Variants in TTBK2 observed in about 807,000 individuals in gnomAD.
TTBK2 encodes the protein tau tubulin kinase 2, also known as tau-tubulin kinase 2.
Under a neutral mutation model 110.8 loss-of-function variants are expected in TTBK2, and 28 were observed. That is an observed-to-expected ratio of 0.25 (90% CI 0.19 to 0.35). The LOEUF (loss-of-function observed/expected upper bound fraction) is 0.35. Among genes scored for constraint, TTBK2 ranks in the 10% least tolerant of loss-of-function variants. The probability of loss-of-function intolerance (pLI) is 1.00; values close to 1 mark genes in which losing one functional copy is unlikely to be tolerated. For synonymous variants in TTBK2, 532 were observed against 527.3 expected, an observed-to-expected ratio of 1.01 and a Z score of -0.12; for missense variants, 1,369 against 1,500.3, an observed-to-expected ratio of 0.91 and a Z score of 1.45.
rs970369743 is a variant in TTBK2 at position 42,743,093 on chromosome 15, T to C, written c.*2702A>G. 6.6e-6 allele frequency: 1 copy of C among 152,226 alleles called. No homozygotes were observed. Among genetic ancestry groups the C allele is most frequent in the Non-Finnish European group, 1.5e-5 (1 of 68,036 alleles). 9.4% of individuals were successfully genotyped at this position (152,226 alleles called of 1,614,324 possible). A position where few individuals can be genotyped will look rare whatever the true frequency, so the allele number is the denominator to read the frequency against. ...ATAGGACAATACTTATAAGCAGACC[T>C]ATTGATACCACTTATATATAATTAG... On this transcript the variant is annotated 3_prime_UTR_variant, in exon 15 of 15. Transcript: ENST00000267890.
rs1393069012 is a variant in TTBK2, at chr15:42,738,829, G to C, written c.*6966C>G. 3.3e-5 allele frequency: 5 copies of C among 152,108 alleles called. No individual in the cohort carries two copies. The highest frequency in any genetic ancestry group is 1.2e-4 in the African/African-American group (5 of 41,412). 9.4% of individuals were successfully genotyped at this position (152,108 alleles called of 1,614,324 possible). A position where few individuals can be genotyped will look rare whatever the true frequency, so the allele number is the denominator to read the frequency against. On this transcript the variant is annotated 3_prime_UTR_variant, in exon 15 of 15. Transcript: ENST00000267890. ...TCAGTCCTGGGCTGCTTTTTCTAGG[G>C]AACTTCTAGATGTGGTACTGCATTT...
At chr15:42,822,406 T>G (rs1321767748) in intron 6 of TTBK2, among the ~76,000 whole-genome samples, 1 of 152,198 alleles carries the variant, frequency 6.6e-6, no homozygotes, top group Non-Finnish European at 1.5e-5. Flanking sequence ...GCATATTTTA[T>G]TTGATACCTA....
chr15:42,906,569 G>C (rs1282399308), intron 1 of TTBK2, among the ~76,000 whole-genome samples: 1 of 152,102 alleles, frequency 6.6e-6, no homozygotes, highest in Non-Finnish European at 1.5e-5. Context: ...CTGAAACTCT[G>C]AAACTACTAG....
intron 13 of TTBK2, among the ~76,000 whole-genome samples, chr15:42,766,224 T>C (rs1284121064): frequency 6.6e-6 from 1 of 151,648 alleles, no homozygotes; most frequent in Non-Finnish European, 1.5e-5. Flanking sequence ...ACTGGCAAAA[T>C]AACCAGCTAA....
chr15:42,834,719 A>AC (rs1892919380), intron 4 of TTBK2, among the ~76,000 whole-genome samples: 1 of 152,064 alleles, frequency 6.6e-6, no homozygotes, highest in Non-Finnish European at 1.5e-5. Flanking sequence ...TCTACTAAAA[A>AC]TAAAAAAATT....
chr15:42,752,614 T>C lies in TTBK2; in HGVS notation c.2632A>G (p.Ile878Val), dbSNP rs763332709. Reference protein sequence around the residue: ...GQVAEMQKNKISKDDDIMSED... With the variant: ...GQVAEMQKNKVSKDDDIMSED... ...CTCATGATGTCATCATCCTTAGATA[T>C]CTTATTTTTTTGCATTTCTGCCACT... is the stretch of plus-strand genomic sequence containing the variant. The change falls in exon 14 of 15, where the codon ATA (isoleucine) becomes GTA (valine). Residue 878 changes from isoleucine to valine, a missense_variant. This residue lies in a region of TTBK2 where 1,097 missense variants were observed against 1,114.7 expected (regional missense o/e 0.98). Coordinates refer to ENST00000267890, the MANE Select transcript of TTBK2 (RefSeq NM_173500.4). 1.9e-6 allele frequency: 3 copies of C among 1,614,168 alleles called. No individual in the cohort carries two copies. The highest frequency in any genetic ancestry group is 4.5e-5 in the East Asian group (2 of 44,882).
chr15:42,843,825 T>C (rs1893342979), intron 3 of TTBK2, among the ~76,000 whole-genome samples: 1 of 151,690 alleles, frequency 6.6e-6, no homozygotes, highest in Non-Finnish European at 1.5e-5. Context: ...ACATTGCTAT[T>C]GTGAAACCTA....
At position 42,752,915 on chromosome 15, in the gene TTBK2, A is replaced by T; in HGVS notation, c.2331T>A (p.Thr777=). Residue 777 remains threonine, a synonymous_variant, in exon 14 of 15, where the codon ACT becomes ACA. Coordinates refer to ENST00000267890, the MANE Select transcript of TTBK2 (RefSeq NM_173500.4). ...ACTCTAAAAGGATGCTTTTCTCTTCAGTTTCCCCAGGGAGATTTTCAAATT... is the reference window on the plus strand; with the variant it reads ...ACTCTAAAAGGATGCTTTTCTCTTCTGTTTCCCCAGGGAGATTTTCAAATT... The part of the protein sequence containing the change: ...VREFENLPGE[T]EEKSILLESD... 6.2e-7 allele frequency: 1 copy of T among 1,614,176 alleles called. No individual in the cohort carries two copies. Among genetic ancestry groups the T allele is most frequent in the Non-Finnish European group, 8.5e-7 (1 of 1,180,030 alleles).
At chr15:42,816,352 T>A (rs1026278710) in intron 7 of TTBK2, among the ~76,000 whole-genome samples, 2 of 151,260 alleles carry the variant, frequency 1.3e-5, no homozygotes, top group African/African-American at 4.9e-5. Context: ...CCTGACCTTG[T>A]GATCTGCTCA....
chr15:42,820,911 G>A (rs1421573098), intron 6 of TTBK2, among the ~76,000 whole-genome samples: 1 of 152,130 alleles, frequency 6.6e-6, no homozygotes, highest in East Asian at 1.9e-4. Flanking sequence ...CAGCTACTTG[G>A]GAGGCTGAGA....
chr15:42,861,928 C>T lies in TTBK2; in HGVS notation c.217+10683G>A, dbSNP rs537153753. 7.9e-5 allele frequency among the ~76,000 whole-genome samples: 12 copies of T among 152,210 alleles called. 1 individual carries two copies. The highest frequency in any genetic ancestry group is 2.9e-4 in the African/African-American group (12 of 41,554). ...GATGATAACTGATCCCACGGAAGTA[C>T]AAAAGATCCTCCGAAGTTATTATGA... On this transcript the variant is annotated intron_variant, in intron 3 of 14. Transcript: ENST00000267890.
chr15:42,901,236 C>T (rs1369814119), intron 1 of TTBK2, among the ~76,000 whole-genome samples: 1 of 151,826 alleles, frequency 6.6e-6, no homozygotes. Context: ...GTGGTGCATG[C>T]CTGTAATCCC....
At chr15:42,842,287 C>A (rs573494799) in intron 3 of TTBK2, among the ~76,000 whole-genome samples, 5 of 152,146 alleles carry the variant, frequency 3.3e-5, no homozygotes, top group African/African-American at 1.2e-4. Flanking sequence ...ACTGAGAGAG[C>A]CGTATCACAG....
At chr15:42,834,195 A>AGGGGGGGGG (rs1187116010) in intron 4 of TTBK2, among the ~76,000 whole-genome samples, 1 of 119,218 alleles carries the variant, frequency 8.4e-6, no homozygotes, top group African/African-American at 4.0e-5. Context: ...AAAAAAAAAA[A>AGGGGGGGGG]AGGGGGGGGG....
intron 3 of TTBK2, among the ~76,000 whole-genome samples, chr15:42,859,563 C>T (rs761576726): frequency 6.6e-6 from 1 of 152,102 alleles, no homozygotes; most frequent in Non-Finnish European, 1.5e-5. Flanking sequence ...CACTAAAAAA[C>T]TGAGAACTAA....
At chr15:42,755,033 A>C in intron 13 of TTBK2, among the ~76,000 whole-genome samples, 1 of 150,438 alleles carries the variant, frequency 6.6e-6, no homozygotes, top group African/African-American at 2.4e-5. Context: ...AAAAAAAAAA[A>C]ATCAAGCCTA....
At chr15:42,784,445 T>C (rs1485300034) in intron 10 of TTBK2, among the ~76,000 whole-genome samples, 1 of 152,058 alleles carries the variant, frequency 6.6e-6, no homozygotes, top group African/African-American at 2.4e-5. Flanking sequence ...ACTGGGCTAT[T>C]TTTTGTATTT....
chr15:42,904,760 C>T (rs959526909), intron 1 of TTBK2, among the ~76,000 whole-genome samples: 4 of 152,124 alleles, frequency 2.6e-5, no homozygotes, highest in Admixed American at 6.6e-5. Context: ...AGATGAAGAC[C>T]CATATCATAA....
chr15:42,872,493 C>T (rs1319287436), intron 3 of TTBK2, 118 bp downstream of exon 3: 6 of 1,211,484 alleles, frequency 5.0e-6, no homozygotes, highest in African/African-American at 1.5e-5. Flanking sequence ...TATTTATACC[C>T]GGCTGACACC....
Sources: gnomAD v4.1 joint callset for allele counts (sites outside exome capture counted in the v4.1 genomes callset) on GRCh38, gnomAD v4.1.1 for gene constraint, gnomAD v4.1.1 regional missense constraint, MANE v1.5 for transcripts, NCBI Gene and HGNC (gene_info 2026-07-23, HGNC 2026-07-21) for gene names.